USO1: variants seen among roughly 807,000 people sequenced by gnomAD.
USO1 encodes the protein USO1 vesicle transport factor.
Under a neutral mutation model 124.5 loss-of-function variants are expected in USO1, and 57 were observed. The observed-to-expected ratio is 0.46, with a 90% CI of 0.37 to 0.57. The LOEUF (loss-of-function observed/expected upper bound fraction) is 0.57. USO1 is among the 20% of genes least tolerant of loss of function. The pLI is 0.00. For synonymous variants in USO1, 369 were observed against 362.8 expected (o/e 1.02, Z -0.19); for missense variants, 900 against 1,040.6 (o/e 0.86, Z 1.86).
In USO1 at chr4:75,787,191, A is replaced by G. The variant is rs750898115; in HGVS notation, c.985A>G (p.Ile329Val). The G allele has an allele frequency of 1.2e-5, 19 of 1,543,080 alleles. No homozygotes were observed. In the Admixed American group the frequency reaches 1.4e-4, roughly 12 times the overall value. The change falls in exon 10 of 24, where the codon ATC becomes GTC. Residue 329 changes from isoleucine (I) to valine (V), a missense_variant. Ile to Val is a conservative substitution (Grantham distance 29). Coordinates refer to ENST00000514213, the MANE Select transcript of USO1 (RefSeq NM_003715.4). ...ILMATGVPAD[I>V]LTETINTVSE... is the part of the protein sequence containing the mutation. ...AATGGCTACTGGGGTTCCTGCTGAT[A>G]TCCTGACTGAGGTAAAGCAAATGAA...
At chr4:75,783,248 C>A (rs1228776079) in intron 9 of USO1, among the ~76,000 whole-genome samples, 1 of 152,098 alleles carries the variant, frequency 6.6e-6, no homozygotes, top group African/African-American at 2.4e-5. Flanking sequence ...CTATTAAGTT[C>A]AAATAAATTC....
intron 4 of USO1, among the ~76,000 whole-genome samples, chr4:75,762,914 C>T (rs1560444753): frequency 6.6e-6 from 1 of 152,162 alleles, no homozygotes; most frequent in Non-Finnish European, 1.5e-5. Flanking sequence ...GGCGACAGTG[C>T]GAGACTCCGT....
At chr4:75,781,921 GGTAAA>G (rs1430872308) in intron 8 of USO1, among the ~76,000 whole-genome samples, 1 of 152,148 alleles carries the variant, frequency 6.6e-6, no homozygotes, top group Admixed American at 6.6e-5. Flanking sequence ...ATTAGTACTT[GGTAAA>G]GTAGAGATCA....
At chr4:75,752,222 A>G (rs1165987290) in intron 1 of USO1, among the ~76,000 whole-genome samples, 151 bp from the exon 2 acceptor site, 1 of 152,208 alleles carries the variant, frequency 6.6e-6, no homozygotes, top group Admixed American at 6.5e-5. Flanking sequence ...AGATTATAAT[A>G]CTACCTAAAT....
At chr4:75,767,562 G>T (rs1363101991) in intron 4 of USO1, 2 of 341,326 alleles carry the variant, frequency 5.9e-6, no homozygotes, top group Non-Finnish European at 1.1e-5. Context: ...GGCTAACACA[G>T]TGAAACCCCA....
intron 7 of USO1, among the ~76,000 whole-genome samples, chr4:75,772,489 G>A (rs953251786): frequency 2.0e-5 from 3 of 151,986 alleles, no homozygotes; most frequent in East Asian, 3.9e-4. Context: ...CACCCACCTC[G>A]ACCTCCCAAA....
chr4:75,745,212 T>TA, intron 1 of USO1: 1 of 295,374 alleles, frequency 3.4e-6, no homozygotes, highest in South Asian at 3.1e-5. Context: ...TCTTTCTTTT[T>TA]TATATATATA....
intron 13 of USO1, among the ~76,000 whole-genome samples, chr4:75,798,615 A>C (rs912739816): frequency 3.3e-5 from 5 of 152,212 alleles, no homozygotes; most frequent in African/African-American, 1.2e-4. Context: ...AATATACCTA[A>C]AAATAGATTA....
intron 16 of USO1, 56 bp downstream of exon 16, chr4:75,800,855 A>AC (rs1370062655): frequency 5.2e-6 from 8 of 1,552,466 alleles, no homozygotes; most frequent in Non-Finnish European, 7.0e-6. Context: ...TTTATATTGT[A>AC]CATGTATATT....
At chr4:75,764,640 T>G (rs1721712716) in intron 4 of USO1, among the ~76,000 whole-genome samples, 1 of 152,188 alleles carries the variant, frequency 6.6e-6, no homozygotes, top group Non-Finnish European at 1.5e-5. Context: ...CTTTTTAGAT[T>G]AGTTTATAAT....
chr4:75,740,885 T>C (rs1337964157), intron 1 of USO1, among the ~76,000 whole-genome samples: 1 of 152,236 alleles, frequency 6.6e-6, no homozygotes, highest in Non-Finnish European at 1.5e-5. Context: ...AAGTAATCTC[T>C]AGTAAAGTTT....
intron 8 of USO1, among the ~76,000 whole-genome samples, chr4:75,776,879 T>G (rs1423444569): frequency 3.3e-5 from 5 of 152,168 alleles, no homozygotes; most frequent in African/African-American, 7.2e-5. Flanking sequence ...AATGTGCACC[T>G]TAAGCATTTT....
chr4:75,800,395 G>C lies in USO1; in HGVS notation c.1608G>C (p.Leu536Phe). The C allele has an allele frequency of 6.3e-7, 1 of 1,599,742 alleles. No homozygotes were observed. The highest frequency in any genetic ancestry group is 8.5e-7 in the Non-Finnish European group (1 of 1,172,632). The change falls in exon 15 of 24, where the codon TTG becomes TTC. Residue 536 changes from leucine to phenylalanine, a missense_variant. By Grantham distance (22) the Leu-to-Phe change is conservative. Transcript: ENST00000514213. ...IAENLGEEEQLVQGLCALLLG... is the reference protein window; with the variant it reads ...IAENLGEEEQFVQGLCALLLG... ...AAAATCTTGGAGAAGAAGAGCAGTT[G>C]GTCCAAGGCTTATGTGCCCTTTTGT... is the stretch of plus-strand genomic sequence containing the variant.
intron 20 of USO1, 28 bp downstream of exon 20, chr4:75,806,600 C>T (rs766473568): frequency 2.6e-6 from 4 of 1,547,698 alleles, no homozygotes; most frequent in Non-Finnish European, 2.6e-6. Context: ...TCCAATTCTA[C>T]TTTGTCATGT....
intron 4 of USO1, 112 bp downstream of exon 4, chr4:75,757,685 C>T (rs1721486743): frequency 5.7e-6 from 6 of 1,054,968 alleles, no homozygotes; most frequent in Non-Finnish European, 7.3e-6. Context: ...AGTTTTTTTA[C>T]TTTTTTCATT....
In USO1 at chr4:75,787,169, G is replaced by T; in HGVS notation, c.963G>T (p.Met321Ile). ...TGCAGCAGCTTTGTACTATCCTAAT[G>T]GCTACTGGGGTTCCTGCTGATATCC... is the stretch of plus-strand genomic sequence containing the variant. ...GLLQQLCTIL[M>I]ATGVPADILT... Residue 321 changes from methionine (M) to isoleucine (I), a missense_variant, in exon 10 of 24, where the codon ATG (methionine) becomes ATT (isoleucine). Around this residue, in one of 2 missense-constraint regions of USO1, gnomAD observed 538 missense variants for 681.6 expected, o/e 0.79. Coordinates refer to ENST00000514213, the MANE Select transcript of USO1 (RefSeq NM_003715.4). 1 of 1,567,532 alleles carries T rather than the reference G, an allele frequency of 6.4e-7. No homozygotes were observed. Among genetic ancestry groups the T allele is most frequent in the Admixed American group, 1.9e-5 (1 of 52,524 alleles).
At chr4:75,768,231 G>C (rs1357858060) in intron 4 of USO1, among the ~76,000 whole-genome samples, 1 of 152,164 alleles carries the variant, frequency 6.6e-6, no homozygotes, top group African/African-American at 2.4e-5. Flanking sequence ...GCCCAGGCTG[G>C]TCTTGAATTC....
chr4:75,770,265 C>T, intron 4 of USO1, 174 bp from the exon 5 acceptor site: 1 of 428,200 alleles, frequency 2.3e-6, no homozygotes, highest in African/African-American at 2.0e-5. Flanking sequence ...TGAATTTGAA[C>T]ATTATTTTAA....
chr4:75,738,868 A>AT (rs1720871796), intron 1 of USO1, among the ~76,000 whole-genome samples: 1 of 151,002 alleles, frequency 6.6e-6, no homozygotes, highest in Non-Finnish European at 1.5e-5. Context: ...TGTTTGGTTT[A>AT]TTTTTTTGGA....
Sources: gnomAD v4.1 joint callset for allele counts (sites outside exome capture counted in the v4.1 genomes callset) on GRCh38, gnomAD v4.1.1 for gene constraint, gnomAD v4.1.1 regional missense constraint, MANE v1.5 for transcripts, NCBI Gene and HGNC (gene_info 2026-07-23, HGNC 2026-07-21) for gene names.